PTPRJ: variants seen among roughly 807,000 people sequenced by gnomAD.
PTPRJ encodes the protein protein tyrosine phosphatase receptor type J.
In PTPRJ, 129 loss-of-function variants were observed where a neutral mutation model predicts 141.3. The observed-to-expected ratio is 0.91, with a 90% CI of 0.79 to 1.06. The LOEUF (loss-of-function observed/expected upper bound fraction) is 1.06. Ranked by LOEUF, PTPRJ falls within the 50% of genes least tolerant of loss-of-function variation. The pLI, the probability that PTPRJ is intolerant of heterozygous loss-of-function variation, is 0.00. For missense variants in PTPRJ, 1,601 were observed against 1,679.7 expected (o/e 0.95, Z 0.82); for synonymous variants, 610 against 640.5 (o/e 0.95, Z 0.72).
intron 1 of PTPRJ, among the ~76,000 whole-genome samples, chr11:47,998,549 G>A (rs969716469): frequency 7.9e-5 from 12 of 152,170 alleles, no homozygotes; most frequent in Non-Finnish European, 1.3e-4. Flanking sequence ...ATTGCTTTGT[G>A]ATCAGCAGCA....
At chr11:48,115,368 C>T (rs930572669) in intron 3 of PTPRJ, among the ~76,000 whole-genome samples, 1 of 152,162 alleles carries the variant, frequency 6.6e-6, no homozygotes, top group Non-Finnish European at 1.5e-5. Flanking sequence ...TCAGCAGAAA[C>T]TTACAGGCCA....
At chr11:48,166,288 C>T (rs958568447) in intron 24 of PTPRJ, among the ~76,000 whole-genome samples, 18 of 151,752 alleles carry the variant, frequency 1.2e-4, no homozygotes, top group Admixed American at 8.5e-4. Flanking sequence ...CACACACACA[C>T]GCACACACAG....
chr11:48,098,936 A>T (rs1278542899), intron 1 of PTPRJ, among the ~76,000 whole-genome samples: 1 of 152,252 alleles, frequency 6.6e-6, no homozygotes, highest in Non-Finnish European at 1.5e-5. Flanking sequence ...GGGTTGATTG[A>T]AATCTAGAAA....
intron 1 of PTPRJ, among the ~76,000 whole-genome samples, chr11:47,991,001 T>C (rs1353385045): frequency 6.6e-6 from 1 of 151,928 alleles, no homozygotes; most frequent in African/African-American, 2.4e-5. Flanking sequence ...ATTACAGGTG[T>C]GAGCCACCGC....
At chr11:48,072,693 C>T (rs148710089) in intron 1 of PTPRJ, among the ~76,000 whole-genome samples, 88 of 152,326 alleles carry the variant, frequency 5.8e-4, no homozygotes, top group African/African-American at 1.4e-3. Flanking sequence ...CCATTCCCAA[C>T]GCCAGTGATC....
At chr11:48,120,883 AAG>A (rs1182444946) in intron 3 of PTPRJ, 118 bp from the exon 4 acceptor site, 1 of 903,788 alleles carries the variant, frequency 1.1e-6, no homozygotes, top group Non-Finnish European at 1.6e-6. Flanking sequence ...CTAGGAGGCA[AAG>A]AGAGATAAAA....
At chr11:48,100,969 T>G (rs548496218) in intron 1 of PTPRJ, among the ~76,000 whole-genome samples, 4 of 152,258 alleles carry the variant, frequency 2.6e-5, no homozygotes, top group Admixed American at 6.5e-5. Context: ...TTACCCTCCT[T>G]TGCTTCAGCT....
At chr11:47,983,972 T>C (rs1156603289) in intron 1 of PTPRJ, among the ~76,000 whole-genome samples, 1 of 152,244 alleles carries the variant, frequency 6.6e-6, no homozygotes, top group Non-Finnish European at 1.5e-5. Context: ...GAGTACAAAG[T>C]ATATTTTGAC....
intron 1 of PTPRJ, among the ~76,000 whole-genome samples, chr11:47,984,316 G>A (rs1440244358): frequency 6.6e-6 from 1 of 152,220 alleles, no homozygotes; most frequent in Non-Finnish European, 1.5e-5. Flanking sequence ...GTAGGCCTGG[G>A]TGTAGCCAGA....
chr11:48,155,991 C>T lies in PTPRJ; in HGVS notation c.3310C>T (p.His1104Tyr). 1 of 1,610,588 alleles carries T rather than the reference C, an allele frequency of 6.2e-7. No individual in the cohort carries two copies. Among genetic ancestry groups the T allele is most frequent in the East Asian group, 2.2e-5 (1 of 44,850 alleles). Residue 1104 changes from histidine (H) to tyrosine (Y), a missense_variant, in exon 21 of 25, where the codon CAC becomes TAC. His to Tyr is a moderately conservative substitution (Grantham distance 83). Transcript: ENST00000418331. ...YINANYMPGY[H>Y]SKKDFIATQG... is the part of the protein sequence containing the mutation. The stretch of plus-strand genomic sequence containing the variant: ...TGCTGTTTCCCATTTTTAGGGCTAC[C>T]ACTCCAAGAAAGATTTTATTGCCAC...
intron 3 of PTPRJ, among the ~76,000 whole-genome samples, chr11:48,118,119 T>C (rs1856613765): frequency 6.6e-6 from 1 of 152,360 alleles, no homozygotes; most frequent in African/African-American, 2.4e-5. Flanking sequence ...TGACTCCCTC[T>C]GTCACCCAGG....
At chr11:48,154,497 A>C (rs1367749045) in intron 19 of PTPRJ, among the ~76,000 whole-genome samples, 1 of 152,248 alleles carries the variant, frequency 6.6e-6, no homozygotes, top group African/African-American at 2.4e-5. Flanking sequence ...ATTAGATGAA[A>C]TGTAAATAAT....
chr11:48,021,416 T>TAAATAAATAAATA (rs1204348337), intron 1 of PTPRJ, among the ~76,000 whole-genome samples: 4 of 104,364 alleles, frequency 3.8e-5, no homozygotes, highest in African/African-American at 1.9e-4. Flanking sequence ...AATAAATAAA[T>TAAATAAATAAATA]AAATAAAATA....
chr11:48,147,776 C>CATGCTGGCCAGGCCAGCACA (rs1455215318), intron 15 of PTPRJ, among the ~76,000 whole-genome samples: 2 of 152,114 alleles, frequency 1.3e-5, no homozygotes, highest in East Asian at 1.9e-4. Context: ...CGGCCCAGGC[C>CATGCTGGCCAGGCCAGCACA]GGTTCCTTGT....
At chr11:48,114,370 A>T (rs1473968781) in intron 3 of PTPRJ, among the ~76,000 whole-genome samples, 1 of 127,018 alleles carries the variant, frequency 7.9e-6, no homozygotes, top group African/African-American at 2.9e-5. Context: ...CCCAGGAGGC[A>T]GAGGTTGCAG....
chr11:47,998,455 C>T (rs1276876695), intron 1 of PTPRJ, among the ~76,000 whole-genome samples: 1 of 152,180 alleles, frequency 6.6e-6, no homozygotes, highest in Non-Finnish European at 1.5e-5. Context: ...AAAAAATTAT[C>T]ACGCCCATTT....
intron 16 of PTPRJ, 59 bp downstream of exon 16, chr11:48,149,547 T>G: frequency 8.8e-7 from 1 of 1,139,638 alleles, no homozygotes; most frequent in Non-Finnish European, 1.3e-6. Flanking sequence ...GGTGACTATC[T>G]ATAAATAATT....
At chr11:48,052,778 G>T (rs866312627) in intron 1 of PTPRJ, among the ~76,000 whole-genome samples, 4 of 152,068 alleles carry the variant, frequency 2.6e-5, no homozygotes, top group Middle Eastern at 3.2e-3. Flanking sequence ...GCATCCCTGG[G>T]TAACAGGGAA....
intron 1 of PTPRJ, among the ~76,000 whole-genome samples, chr11:48,106,473 G>A (rs1856290289): frequency 6.6e-6 from 1 of 152,166 alleles, no homozygotes; most frequent in Non-Finnish European, 1.5e-5. Flanking sequence ...GGGAAGTCAA[G>A]GTGTGCTGGG....
Sources: allele counts gnomAD v4.1 joint callset (sites outside exome capture counted in the v4.1 genomes callset), GRCh38; gene constraint gnomAD v4.1.1; transcripts MANE v1.5; gene names NCBI Gene and HGNC (gene_info 2026-07-23, HGNC 2026-07-21).